EYS: variants seen among roughly 807,000 people sequenced by gnomAD.
The protein encoded by EYS is EGF-like photoreceptor maintenance factor, also known as protein eyes shut homolog.
Under a neutral mutation model 282.1 loss-of-function variants are expected in EYS, and 250 were observed. The ratio of observed to expected loss-of-function variants is 0.89; its 90% CI spans 0.80 to 0.98. The LOEUF (loss-of-function observed/expected upper bound fraction) is 0.98. Ranked by LOEUF, EYS falls within the 50% of genes least tolerant of loss-of-function variation. The pLI, the probability that EYS is intolerant of heterozygous loss-of-function variation, is 0.00. For synonymous variants in EYS, 1,355 were observed against 1,282.9 expected (o/e 1.06, Z -1.20); for missense variants, 4,016 against 3,709.0 (o/e 1.08, Z -2.15).
chr6:64,747,925 T>A (rs1478402004), intron 22 of EYS, among the ~76,000 whole-genome samples: 2 of 152,246 alleles, frequency 1.3e-5, no homozygotes, highest in Admixed American at 6.5e-5. Flanking sequence ...TCTGTTTTTA[T>A]GTCTGCTGAT....
intron 11 of EYS, among the ~76,000 whole-genome samples, chr6:65,333,112 T>C (rs1172512619): frequency 2.0e-5 from 3 of 151,452 alleles, no homozygotes; most frequent in Non-Finnish European, 4.4e-5. Flanking sequence ...TTTCTACTTA[T>C]TTTATTTAGG....
intron 29 of EYS, among the ~76,000 whole-genome samples, chr6:64,376,816 T>A (rs1262810578): frequency 6.6e-6 from 1 of 152,156 alleles, no homozygotes; most frequent in Non-Finnish European, 1.5e-5. Flanking sequence ...GAATTTATCA[T>A]CTTTTCTCAT....
At position 65,461,392 on chromosome 6, in the gene EYS, C is replaced by T. The variant is rs147837012; in HGVS notation, c.862+29202G>A. On this transcript the variant is annotated intron_variant, in intron 5 of 42. Transcript: ENST00000503581. ...TCCTGAGGCTATAGATGACACCAAG[C>T]GACTGTTGATCTTTGGAGTTCTCTA... Among the ~76,000 whole-genome samples the T allele has an allele frequency of 1.1e-4, 16 of 152,196 alleles. No individual in the cohort carries two copies. In the East Asian group the frequency reaches 2.7e-3, roughly 26 times the overall value.
chr6:64,761,680 C>A (rs1773164503), intron 22 of EYS, among the ~76,000 whole-genome samples: 1 of 152,128 alleles, frequency 6.6e-6, no homozygotes, highest in Admixed American at 6.5e-5. Context: ...TGGTTTCTAT[C>A]TACTGACCTA....
At chr6:65,103,119 TGAATCAGTAACTGGGGA>T (rs1252080984) in intron 12 of EYS, among the ~76,000 whole-genome samples, 2 of 151,460 alleles carry the variant, frequency 1.3e-5, no homozygotes, top group Non-Finnish European at 3.0e-5. Flanking sequence ...CCTAGCTGAC[TGAATCAGTAACTGGGGA>T]GAGGGTCAAG....
chr6:65,689,946 C>T (rs1194142935), intron 1 of EYS, among the ~76,000 whole-genome samples: 3 of 149,510 alleles, frequency 2.0e-5, no homozygotes, highest in African/African-American at 4.9e-5. Context: ...ATTCTGGTCC[C>T]GCAGTACCAA....
intron 12 of EYS, among the ~76,000 whole-genome samples, chr6:65,202,904 C>T (rs1434305160): frequency 1.3e-5 from 2 of 152,132 alleles, no homozygotes; most frequent in Non-Finnish European, 2.9e-5. Context: ...TCTGGAGGGT[C>T]GTCCATGAGG....
chr6:65,512,366 G>A (rs1349853507), intron 2 of EYS, among the ~76,000 whole-genome samples: 2 of 151,626 alleles, frequency 1.3e-5, no homozygotes, highest in Non-Finnish European at 2.9e-5. Context: ...GCGAGCACCT[G>A]TAGTCCCAGC....
chr6:64,449,184 A>T (rs1775226190), intron 26 of EYS, among the ~76,000 whole-genome samples: 1 of 152,220 alleles, frequency 6.6e-6, no homozygotes, highest in African/African-American at 2.4e-5. Flanking sequence ...GCTGAAAACC[A>T]TGGCACGAGA....
intron 19 of EYS, among the ~76,000 whole-genome samples, chr6:64,823,912 C>A (rs951775548): frequency 8.6e-5 from 13 of 151,784 alleles, no homozygotes; most frequent in African/African-American, 3.1e-4. Flanking sequence ...ATACATAATA[C>A]CTAGTTGTGA....
In EYS at chr6:64,591,765, C is replaced by T. The variant is rs1314888456; in HGVS notation, c.4102G>A (p.Val1368Ile). 15 of 1,551,142 alleles carry T rather than the reference C, an allele frequency of 9.7e-6. No homozygotes were observed. Among genetic ancestry groups the T allele is most frequent in the Admixed American group, 5.9e-5 (3 of 50,948 alleles). Reference protein sequence around the residue: ...PAQIVQDKTSVSHMPIRTSAA... With the variant: ...PAQIVQDKTSISHMPIRTSAA... ...GAAGTTCGAATAGGCATATGTGATA[C>T]CGATGTTTTGTCCTGGACAATTTGT... The change falls in exon 26 of 43, where the codon GTA becomes ATA. Residue 1368 changes from valine to isoleucine, a missense_variant. Physicochemically the swap from Val to Ile is conservative, Grantham distance 29 (BLOSUM62 3). Coordinates refer to ENST00000503581, the MANE Select transcript of EYS (RefSeq NM_001142800.2).
chr6:65,377,818 A>T (rs1353963101), intron 8 of EYS, among the ~76,000 whole-genome samples: 1 of 152,150 alleles, frequency 6.6e-6, no homozygotes, highest in Non-Finnish European at 1.5e-5. Flanking sequence ...GGACATATAC[A>T]TCCTCCCAGG....
chr6:64,797,926 C>T (rs1774408423), intron 22 of EYS, among the ~76,000 whole-genome samples: 1 of 151,800 alleles, frequency 6.6e-6, no homozygotes, highest in Non-Finnish European at 1.5e-5. Flanking sequence ...CACCTGCTTG[C>T]TCCAATTATT....
chr6:65,412,810 A>ATAGT (rs1491401893), intron 5 of EYS, among the ~76,000 whole-genome samples: 3 of 152,104 alleles, frequency 2.0e-5, no homozygotes, highest in Non-Finnish European at 1.5e-5. Context: ...CTAGAAAAAA[A>ATAGT]TAGTTTATTT....
chr6:65,473,985 T>C (rs1765310582), intron 5 of EYS, among the ~76,000 whole-genome samples: 1 of 152,032 alleles, frequency 6.6e-6, no homozygotes, highest in African/African-American at 2.4e-5. Context: ...GTGGTTGTGA[T>C]TTTCCTTGCA....
At chr6:64,489,837 G>T (rs1466340015) in intron 26 of EYS, among the ~76,000 whole-genome samples, 1 of 150,340 alleles carries the variant, frequency 6.7e-6, no homozygotes, top group African/African-American at 2.4e-5. Flanking sequence ...TATACTTCTG[G>T]TTACATATTG....
chr6:65,290,518 G>A (rs1476483277), intron 12 of EYS, among the ~76,000 whole-genome samples: 2 of 151,130 alleles, frequency 1.3e-5, no homozygotes, highest in Non-Finnish European at 3.0e-5. Flanking sequence ...AGTAACTCCA[G>A]TAATATACAT....
chr6:64,274,712 T>A (rs13202489), intron 30 of EYS, among the ~76,000 whole-genome samples: 7,650 of 151,972 alleles, frequency 0.05, 630 homozygotes, highest in African/African-American at 0.17. Flanking sequence ...ACTTATATTG[T>A]GACATTAGTA....
chr6:64,323,277 C>G (rs1377851353), intron 29 of EYS, among the ~76,000 whole-genome samples: 1 of 152,118 alleles, frequency 6.6e-6, no homozygotes, highest in African/African-American at 2.4e-5. Flanking sequence ...GGATATGTTA[C>G]ACATCCTATG....
Sources: gnomAD v4.1 joint callset for allele counts (sites outside exome capture counted in the v4.1 genomes callset) on GRCh38, gnomAD v4.1.1 for gene constraint, MANE v1.5 for transcripts, NCBI Gene and HGNC (gene_info 2026-07-23, HGNC 2026-07-21) for gene names.